EDIL3: variants seen among roughly 807,000 people sequenced by gnomAD.
EDIL3 encodes the protein EGF-like repeat and discoidin I-like domain-containing protein 3.
In EDIL3, 37 loss-of-function variants were observed where a neutral mutation model predicts 67.4. That is an observed-to-expected ratio of 0.55 (90% CI 0.42 to 0.72). The LOEUF (loss-of-function observed/expected upper bound fraction) is 0.72, where lower values mean the gene tolerates loss of function less well. Ranked by LOEUF, EDIL3 falls within the 30% of genes least tolerant of loss-of-function variation. The pLI is 0.00. For missense variants in EDIL3, 527 were observed against 586.3 expected, an observed-to-expected ratio of 0.90 and a Z score of 1.04; for synonymous variants, 195 against 196.3, an observed-to-expected ratio of 0.99 and a Z score of 0.05.
chr5:84,063,801 AC>A lies in EDIL3; in HGVS notation c.952+898del, dbSNP rs60866574. On this transcript the variant is annotated intron_variant, in intron 8 of 10. Transcript: ENST00000296591. ...AGGTTTTTCCTCACTTCAGGGTTAC[AC>A]TAAAAAGCGGAGCACACACGCACTT... Among the ~76,000 whole-genome samples, 1,361 of 152,260 alleles carry A rather than the reference AC, an allele frequency of 8.9e-3. 26 individuals are homozygous for A. Among genetic ancestry groups the A allele is most frequent in the African/African-American group, 0.032 (1,316 of 41,578 alleles).
rs77122285 is a variant in EDIL3 at position 84,292,765 on chromosome 5, G to T, written c.68-38553C>A. On this transcript the variant is annotated intron_variant, in intron 1 of 10. Coordinates refer to ENST00000296591, the MANE Select transcript of EDIL3 (RefSeq NM_005711.5). Reference sequence around the variant, plus strand: ...AAGCCCAGAGTTATTGCTAATGTGAGAAACACACTCACCCACCCAAACCCA... The same window carrying T: ...AAGCCCAGAGTTATTGCTAATGTGATAAACACACTCACCCACCCAAACCCA... Among the ~76,000 whole-genome samples the T allele has an allele frequency of 2.1e-3, 312 of 152,186 alleles. 3 individuals are homozygous for T. The highest frequency in any genetic ancestry group is 7.2e-3 in the African/African-American group (299 of 41,516).
intron 1 of EDIL3, among the ~76,000 whole-genome samples, chr5:84,289,978 A>C (rs1745881454): frequency 6.6e-6 from 1 of 152,202 alleles, no homozygotes. Context: ...GAAAAGAATT[A>C]AGCACATACA....
chr5:84,073,794 T>C (rs1746792822), intron 6 of EDIL3, among the ~76,000 whole-genome samples: 1 of 152,172 alleles, frequency 6.6e-6, no homozygotes, highest in South Asian at 2.1e-4. Context: ...ATAGATTCAA[T>C]GTCATCCCCA....
chr5:84,133,487 A>AAAAAAAAAG (rs1748033396), intron 5 of EDIL3, among the ~76,000 whole-genome samples: 2 of 137,938 alleles, frequency 1.4e-5, no homozygotes, highest in African/African-American at 2.8e-5. Context: ...AAAAAAAAAA[A>AAAAAAAAAG]TAGCCAGGAG....
chr5:84,364,069 TAGA>T (rs1408510224), intron 1 of EDIL3, among the ~76,000 whole-genome samples: 2 of 152,252 alleles, frequency 1.3e-5, no homozygotes, highest in South Asian at 2.1e-4. Flanking sequence ...GGGAAGATTA[TAGA>T]AGAAGTGAAA....
At chr5:83,998,437 G>T (rs1313127599) in intron 9 of EDIL3, among the ~76,000 whole-genome samples, 1 of 152,170 alleles carries the variant, frequency 6.6e-6, no homozygotes, top group East Asian at 1.9e-4. Flanking sequence ...ATCAGCAGGA[G>T]ACAGGCAGTA....
At chr5:84,268,061 C>T (rs548822198) in intron 1 of EDIL3, among the ~76,000 whole-genome samples, 2 of 152,162 alleles carry the variant, frequency 1.3e-5, no homozygotes, top group East Asian at 1.9e-4. Flanking sequence ...TGCTTGAACC[C>T]GGGAGGCAGA....
chr5:84,332,526 T>C (rs541586733), intron 1 of EDIL3, among the ~76,000 whole-genome samples: 151 of 152,338 alleles, frequency 9.9e-4, no homozygotes, highest in Middle Eastern at 3.4e-3. Flanking sequence ...AACTGTTTTC[T>C]TTAAGGAACT....
rs148892986 is a variant in EDIL3, at chr5:84,331,673, G to A, written c.67+52635C>T. On this transcript the variant is annotated intron_variant, in intron 1 of 10. Coordinates refer to ENST00000296591, the MANE Select transcript of EDIL3 (RefSeq NM_005711.5). ...GTCTCGGGTATTTCTTCACAGCAGC[G>A]TGAGATGAACTAATACACTGAGATT... Among the ~76,000 whole-genome samples, 472 of 152,100 alleles carry A rather than the reference G, an allele frequency of 3.1e-3. 1 individual carries two copies. The highest frequency in any genetic ancestry group is 0.011 in the African/African-American group (443 of 41,474).
intron 3 of EDIL3, among the ~76,000 whole-genome samples, chr5:84,215,895 T>G (rs1744217371): frequency 1.3e-5 from 2 of 152,152 alleles, no homozygotes; most frequent in South Asian, 4.1e-4. Flanking sequence ...AAAGTTTCTA[T>G]CCTAATTTTA....
Position 84,160,803 on chromosome 5 carries a change from TCC to T in EDIL3, c.355+19588_355+19589del, listed in dbSNP as rs1561449423. 3.0e-3 allele frequency among the ~76,000 whole-genome samples: 408 copies of T among 133,782 alleles called. 10 individuals carry two copies. Among genetic ancestry groups the T allele is most frequent in the African/African-American group, 0.012 (390 of 32,266 alleles). 87.8% of individuals were successfully genotyped at this position (133,782 alleles called of 152,430 possible). ...TCCTTTCCTTTCCTTTCCTTTCCTT[TCC>T]TTTCCTTTCCTTTCCCTTTCCTTTT... is the stretch of plus-strand genomic sequence containing the variant. On this transcript the variant is annotated intron_variant, in intron 4 of 10. Coordinates refer to ENST00000296591, the MANE Select transcript of EDIL3 (RefSeq NM_005711.5).
intron 9 of EDIL3, among the ~76,000 whole-genome samples, chr5:84,014,474 G>A (rs1253158041): frequency 2.0e-5 from 3 of 152,084 alleles, no homozygotes; most frequent in Admixed American, 6.6e-5. Context: ...GTGAAACCCC[G>A]TGTCTACTAA....
intron 4 of EDIL3, among the ~76,000 whole-genome samples, chr5:84,170,287 G>T (rs1748791286): frequency 6.6e-6 from 1 of 152,144 alleles, no homozygotes; most frequent in African/African-American, 2.4e-5. Context: ...GAGCAACGGT[G>T]TTCACAAAAA....
intron 9 of EDIL3, among the ~76,000 whole-genome samples, chr5:83,990,691 C>A (rs994695481): frequency 9.9e-5 from 15 of 151,356 alleles, no homozygotes; most frequent in Admixed American, 9.2e-4. Flanking sequence ...GACCAGCCTG[C>A]CCAACATGGT....
At chr5:84,190,579 GTATATATATA>G (rs138685119) in intron 3 of EDIL3, among the ~76,000 whole-genome samples, 27,270 of 121,670 alleles carry the variant, frequency 0.22, 3,190 homozygotes, top group East Asian at 0.45. Flanking sequence ...GTGTGTGTGT[GTATATATATA>G]TATATATATA....
chr5:83,987,513 G>C (rs1310091676), intron 9 of EDIL3, among the ~76,000 whole-genome samples: 1 of 152,078 alleles, frequency 6.6e-6, no homozygotes, highest in Non-Finnish European at 1.5e-5. Flanking sequence ...TTCACCAGCA[G>C]GAGAAATCTC....
At position 84,158,459 on chromosome 5, in the gene EDIL3, T is replaced by C. The variant is rs529539241; in HGVS notation, c.356-21105A>G. Among the ~76,000 whole-genome samples, 3 of 152,172 alleles carry C rather than the reference T, an allele frequency of 2.0e-5. No homozygotes were observed. In the East Asian group the frequency reaches 5.8e-4, roughly 29 times the overall value. On this transcript the variant is annotated intron_variant, in intron 4 of 10. Transcript: ENST00000296591. ...TTTTTCTCAGAGACATGCCCTGAAT[T>C]ATCCTACAAAATAGAATACATCAAA...
intron 6 of EDIL3, among the ~76,000 whole-genome samples, chr5:84,068,270 A>C (rs1746678277): frequency 1.3e-5 from 2 of 152,144 alleles, no homozygotes; most frequent in South Asian, 4.1e-4. Context: ...TTGTAGTTTA[A>C]ACATTTCCAA....
At chr5:84,303,631 T>C (rs1349320884) in intron 1 of EDIL3, among the ~76,000 whole-genome samples, 1 of 152,232 alleles carries the variant, frequency 6.6e-6, no homozygotes, top group Non-Finnish European at 1.5e-5. Context: ...TATATTATTA[T>C]ATTTTACATT....
Sources: allele counts gnomAD v4.1 joint callset (sites outside exome capture counted in the v4.1 genomes callset), GRCh38; gene constraint gnomAD v4.1.1; transcripts MANE v1.5; gene names NCBI Gene and HGNC (gene_info 2026-07-23, HGNC 2026-07-21).